Variants in ATP8A1 observed in about 807,000 individuals in gnomAD.
The protein encoded by ATP8A1 is phospholipid-transporting ATPase IA.
A neutral mutation model predicts 177.7 loss-of-function variants in ATP8A1; 90 were observed. The ratio of observed to expected loss-of-function variants is 0.51; its 90% CI spans 0.43 to 0.60. The LOEUF (loss-of-function observed/expected upper bound fraction) is 0.60. ATP8A1 is among the 20% of genes least tolerant of loss of function. ATP8A1 has a pLI of 0.00. For missense variants in ATP8A1, 1,072 were observed against 1,392.8 expected, an observed-to-expected ratio of 0.77 and a Z score of 3.67; for synonymous variants, 493 against 485.9, an observed-to-expected ratio of 1.01 and a Z score of -0.19.
chr4:42,515,832 T>C (rs1411618284), intron 22 of ATP8A1, among the ~76,000 whole-genome samples: 1 of 152,224 alleles, frequency 6.6e-6, no homozygotes, highest in South Asian at 2.1e-4. Context: ...TTCCAACCCA[T>C]GATTTTCTCA....
chr4:42,440,999 G>T (rs78255308), intron 33 of ATP8A1, among the ~76,000 whole-genome samples: 5,053 of 152,262 alleles, frequency 0.033, 134 homozygotes, highest in South Asian at 0.059. Context: ...ATGATCTTTG[G>T]ATTAGATACT....
chr4:42,435,456 A>AAAAAAAAAAAAAAAAC (rs1560320569), intron 33 of ATP8A1, among the ~76,000 whole-genome samples: 18 of 101,002 alleles, frequency 1.8e-4, no homozygotes, highest in African/African-American at 5.5e-4. Flanking sequence ...AAAACAAAAA[A>AAAAAAAAAAAAAAAAC]AAAAAAACAA....
At chr4:42,523,861 A>T (rs1403697549) in intron 21 of ATP8A1, among the ~76,000 whole-genome samples, 1 of 152,192 alleles carries the variant, frequency 6.6e-6, no homozygotes, top group Admixed American at 6.5e-5. Context: ...GTTTTTCAAA[A>T]GCCATCTTTT....
intron 30 of ATP8A1, among the ~76,000 whole-genome samples, 187 bp from the exon 31 acceptor site, chr4:42,446,831 C>A (rs1717318348): frequency 6.6e-6 from 1 of 151,206 alleles, no homozygotes; most frequent in African/African-American, 2.4e-5. Flanking sequence ...TAAAGATAGG[C>A]CACAAAAGAC....
rs1407720568 is a variant in ATP8A1 at position 42,549,445 on chromosome 4, A to G, written c.1603-383T>C. Among the ~76,000 whole-genome samples, 6 of 9,852 alleles carry G rather than the reference A, an allele frequency of 6.1e-4. No homozygotes were observed. The East Asian group carries it at 0.034, about 56-fold the overall frequency. The allele number at this position is 9,852 out of a possible 152,430, so 6.5% of individuals were successfully genotyped here. ...ACAATTAATATAGATAATAGGGGGG[A>G]AAAAAGGGAAGCAATGAAACAAACA... On this transcript the variant is annotated intron_variant, in intron 18 of 36. Transcript: ENST00000381668.
At chr4:42,422,711 G>T in intron 35 of ATP8A1, 96 bp downstream of exon 35, 1 of 933,890 alleles carries the variant, frequency 1.1e-6, no homozygotes, top group Non-Finnish European at 1.6e-6. Flanking sequence ...CCAGCTTGAT[G>T]CTGACAAATA....
At chr4:42,514,110 C>A (rs1725279765) in intron 22 of ATP8A1, among the ~76,000 whole-genome samples, 1 of 152,172 alleles carries the variant, frequency 6.6e-6, no homozygotes, top group South Asian at 2.1e-4. Context: ...GGCTCATTTG[C>A]CTACTTCTGG....
intron 25 of ATP8A1, among the ~76,000 whole-genome samples, chr4:42,480,080 AC>A (rs1313502742): frequency 6.6e-6 from 1 of 151,696 alleles, no homozygotes; most frequent in Non-Finnish European, 1.5e-5. Context: ...AAGGAGTCAC[AC>A]CTAAAACTGT....
chr4:42,597,651 G>A (rs968636643), intron 6 of ATP8A1, among the ~76,000 whole-genome samples: 3 of 152,054 alleles, frequency 2.0e-5, no homozygotes, highest in Admixed American at 1.3e-4. Context: ...ATTTCCATAT[G>A]TTCTAGTTTT....
intron 24 of ATP8A1, among the ~76,000 whole-genome samples, chr4:42,494,163 A>AG (rs35653929): frequency 1.0e-4 from 1 of 9,968 alleles, no homozygotes; most frequent in Admixed American, 1.0e-3. Context: ...ATCATGCCAC[A>AG]AAAAAAAAAA....
chr4:42,501,618 C>T (rs1287243417), intron 24 of ATP8A1, among the ~76,000 whole-genome samples: 1 of 152,206 alleles, frequency 6.6e-6, no homozygotes, highest in African/African-American at 2.4e-5. Flanking sequence ...ACAATTTGAA[C>T]ACAGATTGGA....
chr4:42,609,712 GCTTTC>G (rs997263423), intron 5 of ATP8A1, among the ~76,000 whole-genome samples: 1 of 152,040 alleles, frequency 6.6e-6, no homozygotes, highest in Admixed American at 6.5e-5. Context: ...TCCACTGTGT[GCTTTC>G]CTTTGTCTTC....
chr4:42,534,471 G>T (rs1727577197), intron 20 of ATP8A1, among the ~76,000 whole-genome samples: 1 of 151,914 alleles, frequency 6.6e-6, no homozygotes, highest in Non-Finnish European at 1.5e-5. Context: ...AAAGAAAAAA[G>T]AATTTAAAAA....
chr4:42,482,330 C>G (rs1221234703), intron 25 of ATP8A1, among the ~76,000 whole-genome samples: 1 of 94,696 alleles, frequency 1.1e-5, no homozygotes, highest in East Asian at 4.0e-4. Context: ...AACAAACAAA[C>G]AAACAAAAAA....
intron 6 of ATP8A1, among the ~76,000 whole-genome samples, chr4:42,596,305 T>G (rs1301403591): frequency 6.6e-6 from 1 of 152,214 alleles, no homozygotes; most frequent in Non-Finnish European, 1.5e-5. Context: ...CCTTCTGAAG[T>G]CACTCATATT....
chr4:42,646,248 C>T (rs1740519326), intron 1 of ATP8A1, among the ~76,000 whole-genome samples: 1 of 152,194 alleles, frequency 6.6e-6, no homozygotes, highest in South Asian at 2.1e-4. Context: ...GCATCTTGTC[C>T]TGCCAAGAGC....
At chr4:42,533,575 A>G (rs1454600263) in intron 20 of ATP8A1, among the ~76,000 whole-genome samples, 1 of 152,142 alleles carries the variant, frequency 6.6e-6, no homozygotes. Flanking sequence ...CTGCCCTGGT[A>G]GCCCAAGACA....
intron 18 of ATP8A1, 146 bp from the exon 19 acceptor site, chr4:42,549,208 T>C: frequency 1.6e-6 from 1 of 640,134 alleles, no homozygotes; most frequent in Non-Finnish European, 2.7e-6. Context: ...GCTTACTAAC[T>C]TTTACGTAAA....
chr4:42,510,856 A>G lies in ATP8A1; in HGVS notation c.1948-3702T>C, dbSNP rs370312541. 3.3e-5 allele frequency among the ~76,000 whole-genome samples: 5 copies of G among 152,362 alleles called. No individual in the cohort carries two copies. The East Asian group carries it at 9.6e-4, about 29-fold the overall frequency. On this transcript the variant is annotated intron_variant, in intron 22 of 36. Transcript: ENST00000381668. ...GCATCTAGTTTTGCACAGGTAAAAG[A>G]GAAACATTTTCAAAGCAGGCACAAA...
Sources: allele counts gnomAD v4.1 joint callset (sites outside exome capture counted in the v4.1 genomes callset), GRCh38; gene constraint gnomAD v4.1.1; transcripts MANE v1.5; gene names NCBI Gene and HGNC (gene_info 2026-07-23, HGNC 2026-07-21).